COL4A2: variants seen among roughly 807,000 people sequenced by gnomAD.
The protein encoded by COL4A2 is collagen alpha-2(IV) chain.
Under a neutral mutation model 200.2 loss-of-function variants are expected in COL4A2, and 99 were observed. The ratio of observed to expected loss-of-function variants is 0.49; its 90% CI spans 0.42 to 0.58. The LOEUF is 0.58. Among genes scored for constraint, COL4A2 ranks in the 20% least tolerant of loss-of-function variants. The probability of loss-of-function intolerance (pLI) is 0.00; values close to 1 mark genes in which losing one functional copy is unlikely to be tolerated. For missense variants in COL4A2, 1,950 were observed against 2,314.1 expected (o/e 0.84, Z 3.23); for synonymous variants, 897 against 900.6 (o/e 1.00, Z 0.07).
intron 4 of COL4A2, among the ~76,000 whole-genome samples, chr13:110,412,454 CTCCGAA>C (rs1879879767): frequency 6.6e-6 from 1 of 152,212 alleles, no homozygotes; most frequent in Admixed American, 6.5e-5. Flanking sequence ...CTGCACGTCA[CTCCGAA>C]TCTGCTGACC....
chr13:110,373,794 G>A (rs1185032519), intron 4 of COL4A2, among the ~76,000 whole-genome samples: 1 of 152,258 alleles, frequency 6.6e-6, no homozygotes, highest in Non-Finnish European at 1.5e-5. Flanking sequence ...CATCTGTGGA[G>A]TTGGCTCCTT....
chr13:110,329,688 T>C (rs1020285039), intron 3 of COL4A2, among the ~76,000 whole-genome samples: 1 of 152,248 alleles, frequency 6.6e-6, no homozygotes, highest in Non-Finnish European at 1.5e-5. Context: ...ACCCTGACTT[T>C]CTTTTACTCA....
Position 110,484,967 on chromosome 13 carries a change from A to G in COL4A2, c.2965A>G (p.Ile989Val), listed in dbSNP as rs1424296656. Residue 989 changes from isoleucine to valine, a missense_variant, in exon 33 of 48, where the codon ATT becomes GTT. Physicochemically the swap from Ile to Val is conservative, Grantham distance 29. Around this residue, in one of 2 missense-constraint regions of COL4A2, gnomAD observed 1,385 missense variants for 1,720.5 expected, o/e 0.80. Transcript: ENST00000360467. ...PPVILPGMKDIKGEKGDEGPM... is the reference protein window; with the variant it reads ...PPVILPGMKDVKGEKGDEGPM... ...TGTCATCCTGCCAGGAATGAAAGAC[A>G]TTAAAGGAGAGAAAGGAGATGAAGG... The G allele has an allele frequency of 1.2e-6, 2 of 1,613,066 alleles. No individual in the cohort carries two copies. The highest frequency in any genetic ancestry group is 1.7e-5 in the Admixed American group (1 of 59,972).
intron 21 of COL4A2, 102 bp downstream of exon 21, chr13:110,457,537 G>A (rs2139491270): frequency 1.3e-6 from 1 of 753,670 alleles, no homozygotes; most frequent in East Asian, 2.7e-5. Flanking sequence ...GTTTGGACAT[G>A]AAAATGAGCC....
intron 21 of COL4A2, 30 bp from the exon 22 acceptor site, chr13:110,458,741 C>T (rs1450797502): frequency 6.2e-7 from 1 of 1,613,042 alleles, no homozygotes; most frequent in Admixed American, 1.7e-5. Context: ...GAATGCGGAA[C>T]AAGGAGGCCC....
chr13:110,454,510 G>A (rs142323852), intron 20 of COL4A2, among the ~76,000 whole-genome samples: 2 of 152,270 alleles, frequency 1.3e-5, no homozygotes, highest in African/African-American at 4.8e-5. Context: ...CAGAGGGAGA[G>A]CTTGGAGACA....
intron 21 of COL4A2, 32 bp from the exon 22 acceptor site, chr13:110,458,738 GA>G (rs1881882670): frequency 6.2e-7 from 1 of 1,612,870 alleles, no homozygotes; most frequent in African/African-American, 1.3e-5. Context: ...GAGGAATGCG[GA>G]ACAAGGAGGC....
In COL4A2 at chr13:110,450,372, G is replaced by A. The variant is rs777564732; in HGVS notation, c.1257G>A (p.Ala419=). 42 of 1,613,638 alleles carry A rather than the reference G, an allele frequency of 2.6e-5. No homozygotes were observed. In the African/African-American group the frequency reaches 3.1e-4, roughly 12 times the overall value. ...KGFIGDPGIP[A]LYGGPPGPDG... is the part of the protein sequence containing the mutation. Reference sequence around the variant, plus strand: ...TCATCGGAGACCCCGGCATCCCTGCGCTCTACGGGGGCCCACCTGGACCTG... The same window carrying A: ...TCATCGGAGACCCCGGCATCCCTGCACTCTACGGGGGCCCACCTGGACCTG... Residue 419 remains alanine, a synonymous_variant, in exon 20 of 48, where the codon GCG becomes GCA. Transcript: ENST00000360467.
Position 110,503,934 on chromosome 13 carries a change from G to T in COL4A2, c.4226G>T (p.Arg1409Met). The T allele has an allele frequency of 1.9e-6, 3 of 1,591,380 alleles. No individual in the cohort carries two copies. The highest frequency in any genetic ancestry group is 1.7e-6 in the Non-Finnish European group (2 of 1,166,220). ...CCAGGGACAGTGGGTCCCCAGGGGA[G>T]GCGAGGCCCCCCTGGGGCACCGGGG... is the stretch of plus-strand genomic sequence containing the variant. ...VQPGTVGPQG[R>M]RGPPGAPGEM... Residue 1409 changes from arginine to methionine, a missense_variant, in exon 44 of 48, where the codon AGG becomes ATG. This residue lies in a region of COL4A2 where 1,385 missense variants were observed against 1,720.5 expected (regional missense o/e 0.80). Coordinates refer to ENST00000360467, the MANE Select transcript of COL4A2 (RefSeq NM_001846.4).
intron 4 of COL4A2, among the ~76,000 whole-genome samples, chr13:110,390,445 G>A (rs144501925): frequency 4.6e-5 from 7 of 152,240 alleles, no homozygotes; most frequent in South Asian, 2.1e-4. Flanking sequence ...CTAGCCCAGC[G>A]CTGGGAGTCT....
intron 4 of COL4A2, among the ~76,000 whole-genome samples, chr13:110,417,365 T>C (rs1212816503): frequency 2.0e-5 from 3 of 152,176 alleles, no homozygotes; most frequent in African/African-American, 7.2e-5. Flanking sequence ...ATAAGCTCAT[T>C]TGCAGGAAAA....
At position 110,473,042 on chromosome 13, in the gene COL4A2, C is replaced by T. The variant is rs886049976; in HGVS notation, c.2317C>T (p.Pro773Ser). 6 of 1,517,996 alleles carry T rather than the reference C, an allele frequency of 4.0e-6. No homozygotes were observed. Among genetic ancestry groups the T allele is most frequent in the Non-Finnish European group, 5.3e-6 (6 of 1,133,286 alleles). The allele number at this position is 1,517,996 out of a possible 1,614,324, so 94.0% of individuals were successfully genotyped here. The change falls in exon 29 of 48, where the codon CCT becomes TCT. Residue 773 changes from proline to serine, a missense_variant. This residue lies in a region of COL4A2 where 1,385 missense variants were observed against 1,720.5 expected (regional missense o/e 0.80). Coordinates refer to ENST00000360467, the MANE Select transcript of COL4A2 (RefSeq NM_001846.4). ...TGGGCCCCCTGGGGAAAGGGGCCTC[C>T]CTGGAGAAGTCCTGGGAGCTCAGCC... ...PDGPPGERGL[P>S]GEVLGAQPGP...
At chr13:110,397,690 G>C (rs916144318) in intron 4 of COL4A2, among the ~76,000 whole-genome samples, 1 of 152,196 alleles carries the variant, frequency 6.6e-6, no homozygotes, top group Admixed American at 6.5e-5. Context: ...TGAGACGGGC[G>C]TGTCAGCCGC....
chr13:110,351,022 T>C (rs977797400), intron 3 of COL4A2, among the ~76,000 whole-genome samples: 8 of 152,134 alleles, frequency 5.3e-5, no homozygotes, highest in East Asian at 3.9e-4. Context: ...TGCTACCTGC[T>C]CTCTCTCTTG....
At chr13:110,313,984 A>G (rs1885065265) in intron 3 of COL4A2, among the ~76,000 whole-genome samples, 1 of 152,216 alleles carries the variant, frequency 6.6e-6, no homozygotes, top group South Asian at 2.1e-4. Context: ...TTGAAGCAAC[A>G]TGCTTTTTTG....
rs73619404 is a variant in COL4A2, at chr13:110,457,648, G to A, written c.1432+213G>A. 1.7e-3 allele frequency: 1,139 copies of A among 676,670 alleles called. 16 individuals carry two copies. The African/African-American group carries it at 0.018, about 11-fold the overall frequency. 41.9% of individuals were successfully genotyped at this position (676,670 alleles called of 1,614,324 possible). Reference sequence around the variant, plus strand: ...TGAGCACTCGGCCCCCAGGCTCACCGTCCCTGCTCTCCATCTGCCATCCTC... The same window carrying A: ...TGAGCACTCGGCCCCCAGGCTCACCATCCCTGCTCTCCATCTGCCATCCTC... On this transcript the variant is annotated intron_variant, in intron 21 of 47. Transcript: ENST00000360467.
chr13:110,504,607 C>CT (rs890459106), intron 45 of COL4A2, among the ~76,000 whole-genome samples: 6 of 152,050 alleles, frequency 3.9e-5, no homozygotes, highest in East Asian at 1.9e-4. Flanking sequence ...CCCTGTCTTA[C>CT]TTTTTTTTCT....
rs564946426 is a variant in COL4A2, at chr13:110,393,106, G to A, written c.181-31628G>A. ...GGATTGGCCCACGGTGGTGCTGAAG[G>A]CAACAGTATGGAGGTTGGCTTCAAA... On this transcript the variant is annotated intron_variant, in intron 4 of 47. Coordinates refer to ENST00000360467, the MANE Select transcript of COL4A2 (RefSeq NM_001846.4). Among the ~76,000 whole-genome samples, 215 of 152,300 alleles carry A rather than the reference G, an allele frequency of 1.4e-3. 1 individual carries two copies. Among genetic ancestry groups the A allele is most frequent in the African/African-American group, 4.8e-3 (199 of 41,562 alleles).
At chr13:110,445,622 T>C (rs1881291469) in intron 16 of COL4A2, among the ~76,000 whole-genome samples, 1 of 152,196 alleles carries the variant, frequency 6.6e-6, no homozygotes, top group African/African-American at 2.4e-5. Context: ...AGTGTTATAT[T>C]TGGACTTTTT....
Sources: allele counts gnomAD v4.1 joint callset (sites outside exome capture counted in the v4.1 genomes callset), GRCh38; gene constraint gnomAD v4.1.1; regional missense constraint gnomAD v4.1.1; transcripts MANE v1.5; gene names NCBI Gene and HGNC (gene_info 2026-07-23, HGNC 2026-07-21).